CDC25A: variants seen among roughly 807,000 people sequenced by gnomAD.
CDC25A encodes the protein cell division cycle 25A.
Under a neutral mutation model 64.6 loss-of-function variants are expected in CDC25A, and 17 were observed. That is an observed-to-expected ratio of 0.26 (90% CI 0.18 to 0.39). The LOEUF is 0.39. Among genes scored for constraint, CDC25A ranks in the 10% least tolerant of loss-of-function variants. The probability of loss-of-function intolerance (pLI) is 1.00; values close to 1 mark genes in which losing one functional copy is unlikely to be tolerated. For synonymous variants in CDC25A, 229 were observed against 238.6 expected (o/e 0.96, Z 0.37); for missense variants, 473 against 654.8 (o/e 0.72, Z 3.03).
chr3:48,176,528 T>TGA (rs1203116142), intron 8 of CDC25A, among the ~76,000 whole-genome samples: 4 of 53,106 alleles, frequency 7.5e-5, no homozygotes, highest in Admixed American at 2.4e-4. Flanking sequence ...TGTGTGTGTG[T>TGA]GAGTATATAT....
intron 8 of CDC25A, among the ~76,000 whole-genome samples, chr3:48,176,239 T>A (rs2032450625): frequency 6.6e-6 from 1 of 152,148 alleles, no homozygotes; most frequent in African/African-American, 2.4e-5. Context: ...TAGTTCAGGT[T>A]ATTGAGAATT....
At chr3:48,167,801 C>T in intron 10 of CDC25A, 45 bp downstream of exon 10, 1 of 1,051,060 alleles carries the variant, frequency 9.5e-7, no homozygotes, top group Non-Finnish European at 1.5e-6. Flanking sequence ...TCTAAATACC[C>T]ACACTCCCTC....
At position 48,166,582 on chromosome 3, in the gene CDC25A, AT is replaced by A. The variant is rs111671059; in HGVS notation, c.1030-690del. Among the ~76,000 whole-genome samples, 316 of 152,352 alleles carry A rather than the reference AT, an allele frequency of 2.1e-3. 3 individuals are homozygous for A. The highest frequency in any genetic ancestry group is 6.8e-3 in the African/African-American group (284 of 41,578). The stretch of plus-strand genomic sequence containing the variant: ...TTACTGAGCACCTGCTATGTCCAGC[AT>A]GGTGCCAGGCACTGGGGATAGGAAA... On this transcript the variant is annotated intron_variant, in intron 10 of 14. Transcript: ENST00000302506.
intron 13 of CDC25A, among the ~76,000 whole-genome samples, chr3:48,163,649 T>C (rs1370317830): frequency 6.6e-6 from 1 of 152,100 alleles, no homozygotes; most frequent in Non-Finnish European, 1.5e-5. Context: ...TTTTTTAAAA[T>C]AAATTGGTTC....
chr3:48,158,805 G>T lies in CDC25A; in HGVS notation c.*140C>A. The T allele has an allele frequency of 2.0e-6, 2 of 1,013,442 alleles. No individual in the cohort carries two copies. Among genetic ancestry groups the T allele is most frequent in the Non-Finnish European group, 2.9e-6 (2 of 687,876 alleles). 62.8% of individuals were successfully genotyped at this position (1,013,442 alleles called of 1,614,324 possible). ...GGGCTCCAACCTTGGGAGTGTGGGA[G>T]GTAGGTTTAAGGCATGGAAGTCCCA... On this transcript the variant is annotated 3_prime_UTR_variant, in exon 15 of 15. Transcript: ENST00000302506.
chr3:48,177,946 T>G lies in CDC25A; in HGVS notation c.592A>C (p.Ile198Leu). 1 of 1,613,866 alleles carries G rather than the reference T, an allele frequency of 6.2e-7. No individual in the cohort carries two copies. The highest frequency in any genetic ancestry group is 8.5e-7 in the Non-Finnish European group (1 of 1,179,832). ...GGTGACTGGGGTGTAAAAAGAGGAATGAAATTCCCTGGTTCACTGCTATCT... is the reference window on the plus strand; with the variant it reads ...GGTGACTGGGGTGTAAAAAGAGGAAGGAAATTCCCTGGTTCACTGCTATCT... ...ERDSSEPGNF[I>L]PLFTPQSPVT... The change falls in exon 7 of 15, where the codon ATT becomes CTT. Residue 198 changes from isoleucine to leucine, a missense_variant. By Grantham distance (5) the Ile-to-Leu change is conservative. This residue lies in a region of CDC25A where 376 missense variants were observed against 431.9 expected (regional missense o/e 0.87). Transcript: ENST00000302506.
chr3:48,178,155 G>A (rs1162107548), intron 6 of CDC25A, among the ~76,000 whole-genome samples, 167 bp from the exon 7 acceptor site: 1 of 152,176 alleles, frequency 6.6e-6, no homozygotes, highest in East Asian at 1.9e-4. Context: ...GATTATAAAT[G>A]ATTTGATGAC....
intron 13 of CDC25A, among the ~76,000 whole-genome samples, chr3:48,162,801 T>C (rs2031833942): frequency 6.6e-6 from 1 of 150,954 alleles, no homozygotes; most frequent in African/African-American, 2.4e-5. Flanking sequence ...TAAGTCGAGA[T>C]TGTGCCACTG....
intron 13 of CDC25A, among the ~76,000 whole-genome samples, chr3:48,162,382 C>T (rs898304635): frequency 2.0e-5 from 3 of 151,872 alleles, no homozygotes; most frequent in Non-Finnish European, 4.4e-5. Context: ...ACCTGCTGGG[C>T]TCAAACGATC....
In CDC25A at chr3:48,169,269, T is replaced by G. The variant is rs555371622; in HGVS notation, c.931-1325A>C. 5.9e-5 allele frequency among the ~76,000 whole-genome samples: 9 copies of G among 152,338 alleles called. No individual in the cohort carries two copies. The South Asian group carries it at 1.9e-3, about 32-fold the overall frequency. On this transcript the variant is annotated intron_variant, in intron 9 of 14. Transcript: ENST00000302506. ...ATTAATGAGGAAAGAATGTAAAAAC[T>G]GCAGTATCATCTTTCTGAAACCCTG...
At chr3:48,161,889 C>T (rs1317702316) in intron 13 of CDC25A, among the ~76,000 whole-genome samples, 1 of 152,022 alleles carries the variant, frequency 6.6e-6, no homozygotes, top group African/African-American at 2.4e-5. Flanking sequence ...AGCAAAACCC[C>T]GTCTCTACTA....
Position 48,177,962 on chromosome 3 carries a change from A to G in CDC25A, c.576T>C (p.Ser192=). Residue 192 remains serine, a synonymous_variant, in exon 7 of 15, where the codon AGT becomes AGC. Transcript: ENST00000302506. ...RMLSSNERDS[S]EPGNFIPLFT... ...AAAGAGGAATGAAATTCCCTGGTTC[A>G]CTGCTATCTCTTTCATTTGAGGAAA... 6.2e-7 allele frequency: 1 copy of G among 1,612,368 alleles called. No individual in the cohort carries two copies.
At chr3:48,162,048 A>G (rs1406074128) in intron 13 of CDC25A, among the ~76,000 whole-genome samples, 1 of 152,108 alleles carries the variant, frequency 6.6e-6, no homozygotes, top group Non-Finnish European at 1.5e-5. Flanking sequence ...GTGGCAGAGC[A>G]AGACTACATC....
chr3:48,185,042 T>C (rs1275502913), intron 2 of CDC25A, among the ~76,000 whole-genome samples: 3 of 152,208 alleles, frequency 2.0e-5, no homozygotes, highest in South Asian at 2.1e-4. Flanking sequence ...GTTCCAACCA[T>C]AGAAACAATA....
At chr3:48,176,799 C>T (rs1185181892) in intron 8 of CDC25A, among the ~76,000 whole-genome samples, 1 of 151,176 alleles carries the variant, frequency 6.6e-6, no homozygotes, top group Non-Finnish European at 1.5e-5. Context: ...AATGTAACCC[C>T]GTCTCTACTG....
intron 5 of CDC25A, chr3:48,181,496 T>A: frequency 4.3e-6 from 4 of 920,436 alleles, no homozygotes; most frequent in Non-Finnish European, 7.0e-6. Flanking sequence ...GGTGGCTGAG[T>A]TCCCCGTTGC....
intron 6 of CDC25A, among the ~76,000 whole-genome samples, chr3:48,178,531 T>C (rs769568716): frequency 1.3e-5 from 2 of 152,248 alleles, no homozygotes; most frequent in African/African-American, 2.4e-5. Flanking sequence ...GTGTGCCAGA[T>C]ACTACGATAT....
intron 9 of CDC25A, among the ~76,000 whole-genome samples, chr3:48,172,298 G>A (rs374824802): frequency 1.3e-5 from 2 of 152,312 alleles, no homozygotes; most frequent in African/African-American, 2.4e-5. Flanking sequence ...AAGCAGATAC[G>A]ATAAGGCAGT....
intron 12 of CDC25A, among the ~76,000 whole-genome samples, chr3:48,165,081 G>A (rs2031945181): frequency 7.3e-6 from 1 of 136,694 alleles, no homozygotes; most frequent in Non-Finnish European, 1.5e-5. Flanking sequence ...CTGCACTCCA[G>A]CCTGGCGACA....
Sources: gnomAD v4.1 joint callset for allele counts (sites outside exome capture counted in the v4.1 genomes callset) on GRCh38, gnomAD v4.1.1 for gene constraint, gnomAD v4.1.1 regional missense constraint, MANE v1.5 for transcripts, NCBI Gene and HGNC (gene_info 2026-07-23, HGNC 2026-07-21) for gene names.